CALN1: variants seen among roughly 807,000 people sequenced by gnomAD.
CALN1 encodes calcium-binding protein 8.
In CALN1, 17 loss-of-function variants were observed where a neutral mutation model predicts 30.6. That is an observed-to-expected ratio of 0.56 (90% confidence interval 0.38 to 0.83). The LOEUF (loss-of-function observed/expected upper bound fraction) is 0.83, where lower values mean the gene tolerates loss of function less well. Among genes scored for constraint, CALN1 ranks in the 40% least tolerant of loss-of-function variants. The pLI is 0.00. For missense variants in CALN1, 291 were observed against 354.9 expected (o/e 0.82, Z 1.45); for synonymous variants, 156 against 131.4 (o/e 1.19, Z -1.28).
intron 5 of CALN1, among the ~76,000 whole-genome samples, chr7:71,901,605 A>G (rs1401047504): frequency 1.3e-5 from 2 of 152,178 alleles, no homozygotes; most frequent in Non-Finnish European, 2.9e-5. Context: ...GAGAACCTGG[A>G]AATAAAGTAA....
At chr7:71,981,846 C>T (rs918894604) in intron 5 of CALN1, among the ~76,000 whole-genome samples, 8 of 151,974 alleles carry the variant, frequency 5.3e-5, no homozygotes, top group Admixed American at 1.3e-4. Context: ...AAAACCCCTG[C>T]GCATCTGGTC....
chr7:72,275,504 A>C (rs943591925), intron 3 of CALN1, among the ~76,000 whole-genome samples: 2 of 152,180 alleles, frequency 1.3e-5, no homozygotes, highest in Non-Finnish European at 2.9e-5. Flanking sequence ...GAACAGTCAT[A>C]ACTCAGTGTT....
At chr7:71,918,857 C>T (rs1032826802) in intron 5 of CALN1, among the ~76,000 whole-genome samples, 24 of 152,176 alleles carry the variant, frequency 1.6e-4, no homozygotes, top group African/African-American at 5.8e-4. Context: ...TCCCAGACCT[C>T]CTCATTTGGA....
At chr7:72,338,647 ATC>A in intron 2 of CALN1, among the ~76,000 whole-genome samples, 1 of 151,972 alleles carries the variant, frequency 6.6e-6, no homozygotes, top group East Asian at 1.9e-4. Context: ...TTCCCTAGTA[ATC>A]TTTTTTAAAT....
chr7:71,939,838 T>C (rs780629724), intron 5 of CALN1, among the ~76,000 whole-genome samples: 2 of 152,108 alleles, frequency 1.3e-5, no homozygotes, highest in Non-Finnish European at 2.9e-5. Flanking sequence ...TTCCTCAGGC[T>C]ACTAGGAAAT....
chr7:72,185,247 C>T (rs549869496), intron 3 of CALN1, among the ~76,000 whole-genome samples: 62 of 152,122 alleles, frequency 4.1e-4, no homozygotes, highest in African/African-American at 1.4e-3. Context: ...GGAAAGAGAT[C>T]CAATCTCTTT....
chr7:72,333,007 A>G (rs1188218033), intron 2 of CALN1, among the ~76,000 whole-genome samples: 2 of 152,102 alleles, frequency 1.3e-5, no homozygotes, highest in African/African-American at 4.8e-5. Flanking sequence ...CCCACCATCT[A>G]TCATTCTGGT....
At chr7:72,234,449 G>T (rs930756536) in intron 3 of CALN1, among the ~76,000 whole-genome samples, 2 of 151,756 alleles carry the variant, frequency 1.3e-5, no homozygotes, top group Admixed American at 6.6e-5. Context: ...GTTTTGTTTT[G>T]TTTTTTTGTT....
chr7:72,132,384 G>A (rs999004244), intron 3 of CALN1, among the ~76,000 whole-genome samples: 2 of 152,100 alleles, frequency 1.3e-5, no homozygotes, highest in African/African-American at 4.8e-5. Context: ...AGTTCTATGG[G>A]TACTCGAAGT....
At chr7:72,400,501 A>C (rs1585665494) in intron 2 of CALN1, among the ~76,000 whole-genome samples, 1 of 152,162 alleles carries the variant, frequency 6.6e-6, no homozygotes, top group African/African-American at 2.4e-5. Context: ...CTTCTCTGAC[A>C]CTAGCTCTTG....
chr7:72,168,887 C>T (rs977548220), intron 3 of CALN1, among the ~76,000 whole-genome samples: 1 of 149,334 alleles, frequency 6.7e-6, no homozygotes, highest in Non-Finnish European at 1.5e-5. Context: ...CTCATTGCAA[C>T]CTCCGCCTCC....
At chr7:72,431,728 G>C (rs1807986169) in intron 1 of CALN1, among the ~76,000 whole-genome samples, 2 of 151,886 alleles carry the variant, frequency 1.3e-5, no homozygotes, top group Admixed American at 6.6e-5. Context: ...TGTAGTCCTG[G>C]CTACTTGGTA....
At chr7:72,039,630 C>T (rs1199742203) in intron 4 of CALN1, among the ~76,000 whole-genome samples, 1 of 152,244 alleles carries the variant, frequency 6.6e-6, no homozygotes, top group Non-Finnish European at 1.5e-5. Flanking sequence ...CCCACCACCA[C>T]CACCACTCTT....
At chr7:72,208,677 A>G (rs1185089735) in intron 3 of CALN1, among the ~76,000 whole-genome samples, 2 of 152,110 alleles carry the variant, frequency 1.3e-5, no homozygotes, top group Non-Finnish European at 2.9e-5. Flanking sequence ...TAATGGATGT[A>G]TATTAATTTG....
intron 5 of CALN1, among the ~76,000 whole-genome samples, chr7:71,825,268 C>T (rs1788844262): frequency 6.6e-6 from 1 of 152,090 alleles, no homozygotes; most frequent in South Asian, 2.1e-4. Flanking sequence ...TCCCATAATT[C>T]CTGTGTGTTG....
At chr7:72,067,656 T>C (rs990206770) in intron 4 of CALN1, among the ~76,000 whole-genome samples, 71 of 152,292 alleles carry the variant, frequency 4.7e-4, no homozygotes, top group African/African-American at 1.6e-3. Context: ...TAAAAAGTTA[T>C]AGGGGAATCT....
rs189477036 is a variant in CALN1, at chr7:71,976,699, T to A, written c.501+46958A>T. Among the ~76,000 whole-genome samples the A allele has an allele frequency of 3.0e-4, 46 of 152,242 alleles. No individual in the cohort carries two copies. The East Asian group carries it at 5.0e-3, about 17-fold the overall frequency. Reference sequence around the variant, plus strand: ...AAAAGAAACCAAAAGTGAATGGAAATTCTTGAGTCTGCAGGATGGCAGATA... The same window carrying A: ...AAAAGAAACCAAAAGTGAATGGAAAATCTTGAGTCTGCAGGATGGCAGATA... On this transcript the variant is annotated intron_variant, in intron 5 of 6. Transcript: ENST00000395275.
intron 1 of CALN1, among the ~76,000 whole-genome samples, chr7:72,432,584 G>A (rs150796103): frequency 5.9e-5 from 9 of 152,164 alleles, no homozygotes; most frequent in African/African-American, 1.9e-4. Context: ...CTCATTCCTG[G>A]CTCCATCCTT....
At chr7:71,791,621 T>A (rs889544026) in intron 6 of CALN1, among the ~76,000 whole-genome samples, 1 of 151,944 alleles carries the variant, frequency 6.6e-6, no homozygotes, top group African/African-American at 2.4e-5. Context: ...AGTGCCTGGG[T>A]GGTGAAATAA....
Sources: gnomAD v4.1 joint callset for allele counts (sites outside exome capture counted in the v4.1 genomes callset) on GRCh38, gnomAD v4.1.1 for gene constraint, MANE v1.5 for transcripts, NCBI Gene and HGNC (gene_info 2026-07-23, HGNC 2026-07-21) for gene names.